ADAMTSL1: variants seen among roughly 807,000 people sequenced by gnomAD.
The protein encoded by ADAMTSL1 is ADAMTS like 1, also known as ADAMTS-like protein 1.
In ADAMTSL1, 126 loss-of-function variants were observed where a neutral mutation model predicts 201.8. The observed-to-expected ratio is 0.62, with a 90% confidence interval of 0.54 to 0.72. The LOEUF (loss-of-function observed/expected upper bound fraction) is 0.72, where lower values mean the gene tolerates loss of function less well. Among genes scored for constraint, ADAMTSL1 ranks in the 30% least tolerant of loss-of-function variants. The pLI is 0.00. For missense variants in ADAMTSL1, 2,679 were observed against 2,277.8 expected, an observed-to-expected ratio of 1.18 and a Z score of -3.59; for synonymous variants, 1,121 against 903.4, an observed-to-expected ratio of 1.24 and a Z score of -4.32.
chr9:18,135,722 T>A (rs1826130829), intron 1 of ADAMTSL1, among the ~76,000 whole-genome samples: 1 of 152,180 alleles, frequency 6.6e-6, no homozygotes, highest in Admixed American at 6.6e-5. Flanking sequence ...CATATGTGTA[T>A]GTATCCTATA....
chr9:18,496,697 A>G (rs1587376015), intron 1 of ADAMTSL1, among the ~76,000 whole-genome samples: 2 of 152,210 alleles, frequency 1.3e-5, no homozygotes, highest in African/African-American at 4.8e-5. Flanking sequence ...CAAATCATGA[A>G]ATGAGATTTT....
chr9:18,761,054 A>G (rs1820044980), intron 16 of ADAMTSL1, among the ~76,000 whole-genome samples: 1 of 152,218 alleles, frequency 6.6e-6, no homozygotes, highest in African/African-American at 2.4e-5. Context: ...CTCAGTGGGT[A>G]CTCAATAAAT....
chr9:18,267,780 AC>A (rs1371549218), intron 2 of ADAMTSL1, among the ~76,000 whole-genome samples: 48 of 148,566 alleles, frequency 3.2e-4, no homozygotes, highest in African/African-American at 1.1e-3. Context: ...AAAAACAAAA[AC>A]AAAAACAAAA....
chr9:18,324,594 G>A (rs376565406), intron 2 of ADAMTSL1, among the ~76,000 whole-genome samples: 4 of 151,700 alleles, frequency 2.6e-5, no homozygotes, highest in Admixed American at 6.6e-5. Context: ...GTGAAATCTC[G>A]TCTCTACTAA....
chr9:18,508,190 A>G (rs1288297133), intron 2 of ADAMTSL1, among the ~76,000 whole-genome samples: 1 of 147,794 alleles, frequency 6.8e-6, no homozygotes, highest in African/African-American at 2.5e-5. Flanking sequence ...TCTCAAAAAA[A>G]AAAGAAAAAA....
intron 2 of ADAMTSL1, among the ~76,000 whole-genome samples, chr9:18,303,703 C>T (rs775025027): frequency 2.6e-5 from 4 of 152,096 alleles, no homozygotes. Context: ...AAATAGTGGA[C>T]CTTGCTGAAC....
intron 2 of ADAMTSL1, among the ~76,000 whole-genome samples, chr9:18,391,893 T>C (rs901079196): frequency 2.3e-4 from 34 of 150,302 alleles, no homozygotes; most frequent in Non-Finnish European, 3.8e-4. Context: ...GGCATGATCT[T>C]GGCTCACTGC....
chr9:18,258,991 A>G (rs1169976475), intron 2 of ADAMTSL1, among the ~76,000 whole-genome samples: 1 of 151,458 alleles, frequency 6.6e-6, no homozygotes, highest in East Asian at 1.9e-4. Context: ...GCACTTGACG[A>G]CTCCCTTCTT....
chr9:18,582,707 G>T (rs1823179463), intron 4 of ADAMTSL1, among the ~76,000 whole-genome samples: 1 of 151,870 alleles, frequency 6.6e-6, no homozygotes, highest in South Asian at 2.1e-4. Flanking sequence ...ATATTAGCCA[G>T]GTGTGGTAGA....
intron 2 of ADAMTSL1, among the ~76,000 whole-genome samples, chr9:18,213,354 G>T (rs2132325348): frequency 6.6e-6 from 1 of 152,276 alleles, no homozygotes; most frequent in South Asian, 2.1e-4. Context: ...GATTGAATTG[G>T]TGTTGGTATC....
intron 23 of ADAMTSL1, among the ~76,000 whole-genome samples, chr9:18,835,133 G>A (rs1431351035): frequency 1.3e-5 from 2 of 152,124 alleles, no homozygotes; most frequent in Non-Finnish European, 2.9e-5. Flanking sequence ...AAAGCTTACT[G>A]TAGTTGGTCT....
intron 7 of ADAMTSL1, among the ~76,000 whole-genome samples, chr9:18,647,567 A>C (rs1202834364): frequency 6.6e-6 from 1 of 152,114 alleles, no homozygotes; most frequent in East Asian, 1.9e-4. Flanking sequence ...AATGTGTCCC[A>C]GAGAGTCTGG....
intron 2 of ADAMTSL1, among the ~76,000 whole-genome samples, chr9:18,223,939 AT>A (rs1392088903): frequency 6.6e-6 from 1 of 152,118 alleles, no homozygotes; most frequent in Non-Finnish European, 1.5e-5. Flanking sequence ...ATCATTGCTA[AT>A]CTAGGACTCT....
chr9:18,700,055 A>G (rs1464129016), intron 13 of ADAMTSL1, among the ~76,000 whole-genome samples: 1 of 152,266 alleles, frequency 6.6e-6, no homozygotes, highest in African/African-American at 2.4e-5. Context: ...ATCCTTGAGT[A>G]AAGATATTTC....
chr9:17,982,070 T>G (rs919112675), intron 1 of ADAMTSL1, among the ~76,000 whole-genome samples: 9 of 152,340 alleles, frequency 5.9e-5, no homozygotes, highest in African/African-American at 1.9e-4. Flanking sequence ...CACTACTTGC[T>G]TAAACATTTT....
intron 4 of ADAMTSL1, among the ~76,000 whole-genome samples, chr9:18,575,143 A>C (rs1822627753): frequency 6.6e-6 from 1 of 152,182 alleles, no homozygotes; most frequent in Non-Finnish European, 1.5e-5. Flanking sequence ...TAAGAGAAAT[A>C]TATGTTTTAG....
At position 18,697,497 on chromosome 9, in the gene ADAMTSL1, C is replaced by T. The variant is rs139070811; in HGVS notation, c.1575-9250C>T. Among the ~76,000 whole-genome samples, 32 of 152,238 alleles carry T rather than the reference C, an allele frequency of 2.1e-4. No homozygotes were observed. The East Asian group carries it at 5.8e-3, about 28-fold the overall frequency. ...GCCAGCAGTTCGTTGAAAAGACAAC[C>T]AGTAATCTCTTTTGCCTATTTCAAA... On this transcript the variant is annotated intron_variant, in intron 13 of 28. Coordinates refer to ENST00000380548, the MANE Select transcript of ADAMTSL1 (RefSeq NM_001040272.6).
intron 14 of ADAMTSL1, chr9:18,718,041 G>T (rs774303221): frequency 2.4e-5 from 38 of 1,572,800 alleles, no homozygotes; most frequent in Non-Finnish European, 3.3e-5. Context: ...TTAATCTGCC[G>T]CACTAGGTCA....
rs189227392 is a variant in ADAMTSL1 at position 18,859,033 on chromosome 9, C to G, written c.4250-28798C>G. Among the ~76,000 whole-genome samples, 23 of 152,298 alleles carry G rather than the reference C, an allele frequency of 1.5e-4. No individual in the cohort carries two copies. In the East Asian group the frequency reaches 4.4e-3, roughly 29 times the overall value. On this transcript the variant is annotated intron_variant, in intron 23 of 28. Transcript: ENST00000380548. ...AAAGAAAAGCAAATAAAATGAAATA[C>G]TATTTGCCATAAATAGGTTGGTGAA...
Sources: allele counts gnomAD v4.1 joint callset (sites outside exome capture counted in the v4.1 genomes callset), GRCh38; gene constraint gnomAD v4.1.1; transcripts MANE v1.5; gene names NCBI Gene and HGNC (gene_info 2026-07-23, HGNC 2026-07-21).